TMEM242: variants seen among roughly 807,000 people sequenced by gnomAD.
TMEM242 encodes transmembrane protein 242.
TMEM242 carries 10 observed loss-of-function variants against 18.2 expected under a neutral mutation model. The ratio of observed to expected loss-of-function variants is 0.55; its 90% CI spans 0.34 to 0.93. The LOEUF (loss-of-function observed/expected upper bound fraction) is 0.93. Among genes scored for constraint, TMEM242 ranks in the 40% least tolerant of loss-of-function variants. The pLI, the probability that TMEM242 is intolerant of heterozygous loss-of-function variation, is 0.02. For synonymous variants in TMEM242, 57 were observed against 69.9 expected (o/e 0.81, Z 0.92); for missense variants, 186 against 175.5 (o/e 1.06, Z -0.34).
chr6:157,313,064 TA>T (rs1778238911), intron 3 of TMEM242, among the ~76,000 whole-genome samples: 1 of 143,702 alleles, frequency 7.0e-6, no homozygotes, highest in African/African-American at 2.6e-5. Flanking sequence ...GGCCTCATCA[TA>T]GGGTCCCAGT....
intron 3 of TMEM242, among the ~76,000 whole-genome samples, chr6:157,310,724 AG>A (rs1778009372): frequency 3.7e-4 from 1 of 2,738 alleles, no homozygotes; most frequent in African/African-American, 1.4e-3. Flanking sequence ...GCACTCAGCT[AG>A]CCTCATCATA....
chr6:157,296,610 A>G (rs1247732002), intron 3 of TMEM242, among the ~76,000 whole-genome samples: 2 of 152,168 alleles, frequency 1.3e-5, no homozygotes, highest in African/African-American at 4.8e-5. Context: ...TTGAACCCAG[A>G]AAGTGGAGGT....
chr6:157,309,409 C>G (rs1006619739), intron 3 of TMEM242, among the ~76,000 whole-genome samples: 2 of 151,680 alleles, frequency 1.3e-5, no homozygotes, highest in Non-Finnish European at 2.9e-5. Flanking sequence ...TGTTTTTAAA[C>G]AGGGTCTCTG....
intron 3 of TMEM242, among the ~76,000 whole-genome samples, chr6:157,315,052 T>C (rs1778365089): frequency 1.3e-5 from 2 of 152,254 alleles, no homozygotes; most frequent in African/African-American, 4.8e-5. Context: ...CAGTTATTTA[T>C]TGAGTGCATA....
intron 3 of TMEM242, among the ~76,000 whole-genome samples, chr6:157,296,773 TC>T (rs1466315020): frequency 2.1e-4 from 32 of 152,252 alleles, no homozygotes; most frequent in African/African-American, 7.7e-4. Context: ...TGAGTATTAC[TC>T]CCCAGTGCCG....
At chr6:157,311,386 G>A (rs376577281) in intron 3 of TMEM242, among the ~76,000 whole-genome samples, 2,260 of 16,262 alleles carry the variant, frequency 0.14, 11 homozygotes, top group Non-Finnish European at 0.16. Context: ...TCCAGTGTGC[G>A]CTCACCTAGC....
Position 157,289,244 on chromosome 6 carries a change from C to T in TMEM242, c.*3657G>A, listed in dbSNP as rs1777652542. The stretch of plus-strand genomic sequence containing the variant: ...TTTTCTCCAAAACTGAGTTATCTGC[C>T]ATCACACAAAATTTGCTAACAGCCT... On this transcript the variant is annotated 3_prime_UTR_variant, in exon 4 of 4. Coordinates refer to ENST00000400788, the MANE Select transcript of TMEM242 (RefSeq NM_018452.6). 1 of 152,094 alleles carries T rather than the reference C, an allele frequency of 6.6e-6. No individual in the cohort carries two copies. The highest frequency in any genetic ancestry group is 2.1e-4 in the South Asian group (1 of 4,826). The allele number at this position is 152,094 out of a possible 1,614,324, so 9.4% of individuals were successfully genotyped here.
rs587601464 is a variant in TMEM242 at position 157,322,646 on chromosome 6, A to T, written c.189+59T>A. Reference sequence around the variant, plus strand: ...ATCAATATTTTATTTTTTCTACGCAAAAGCTGCCATATATTGTAAACAATA... The same window carrying T: ...ATCAATATTTTATTTTTTCTACGCATAAGCTGCCATATATTGTAAACAATA... On this transcript the variant is annotated intron_variant, in intron 2 of 3. Transcript: ENST00000400788. 76 of 1,440,614 alleles carry T rather than the reference A, an allele frequency of 5.3e-5. No homozygotes were observed. The African/African-American group carries it at 1.0e-3, about 19-fold the overall frequency. 89.2% of individuals were successfully genotyped at this position (1,440,614 alleles called of 1,614,324 possible).
At chr6:157,295,356 T>A (rs1777737561) in intron 3 of TMEM242, among the ~76,000 whole-genome samples, 1 of 152,258 alleles carries the variant, frequency 6.6e-6, no homozygotes, top group Non-Finnish European at 1.5e-5. Flanking sequence ...TTGCATAGAC[T>A]TTTGTAGTTG....
rs1777894579 is a variant in TMEM242, at chr6:157,305,238, A to G, written c.328-12239T>C. Among the ~76,000 whole-genome samples, 1 of 152,204 alleles carries G rather than the reference A, an allele frequency of 6.6e-6. No individual in the cohort carries two copies. Among genetic ancestry groups the G allele is most frequent in the Non-Finnish European group, 1.5e-5 (1 of 68,038 alleles). ...GAGATGAAGGAGGCAGGCGGTGTTC[A>G]GCGGCAGAGCTGACAAGCAGGACTT... On this transcript the variant is annotated intron_variant, in intron 3 of 3. Transcript: ENST00000400788. This position sits in a 1 kb window ranked among gnomAD's most constrained non-coding sequence, Gnocchi z 4.1.
At position 157,312,439 on chromosome 6, in the gene TMEM242, TCAC is replaced by T. The variant is rs781966863; in HGVS notation, c.327+6340_327+6342del. ...CTCATCATAGTGTCACAGTGTGCAC[TCAC>T]CGAGCCTCATAGTGCCCCAGCGTGC... is the stretch of plus-strand genomic sequence containing the variant. On this transcript the variant is annotated intron_variant, in intron 3 of 3. Transcript: ENST00000400788. Among the ~76,000 whole-genome samples the T allele has an allele frequency of 7.4e-4, 71 of 95,466 alleles. 14 individuals are homozygous for T. Among genetic ancestry groups the T allele is most frequent in the Non-Finnish European group, 1.3e-3 (64 of 48,286 alleles). 62.6% of individuals were successfully genotyped at this position (95,466 alleles called of 152,430 possible). A position where few individuals can be genotyped will look rare whatever the true frequency, so the allele number is the denominator to read the frequency against.
chr6:157,321,975 C>G (rs1383922079), intron 2 of TMEM242, among the ~76,000 whole-genome samples: 3 of 152,180 alleles, frequency 2.0e-5, no homozygotes, highest in Non-Finnish European at 4.4e-5. Context: ...ACACTTTAAA[C>G]ATGGTCTCTT....
At chr6:157,304,462 CAAAAAAAAAAAAA>C (rs782782714) in intron 3 of TMEM242, among the ~76,000 whole-genome samples, 8 of 67,234 alleles carry the variant, frequency 1.2e-4, no homozygotes, top group Non-Finnish European at 2.2e-4. Flanking sequence ...GAGACTCTGT[CAAAAAAAAAAAAA>C]AAAAAAAAAA....
chr6:157,299,649 T>A (rs1554247380), intron 3 of TMEM242: 1 of 1,609,792 alleles, frequency 6.2e-7, no homozygotes, highest in East Asian at 2.2e-5. Flanking sequence ...ATACCGGAAA[T>A]CATTAACTTG....
intron 3 of TMEM242, among the ~76,000 whole-genome samples, chr6:157,312,285 A>C (rs1318281509): frequency 8.1e-6 from 1 of 123,304 alleles, no homozygotes; most frequent in Non-Finnish European, 1.7e-5. Context: ...CCTAGCCTCA[A>C]CATAGTGCCC....
intron 3 of TMEM242, among the ~76,000 whole-genome samples, chr6:157,310,561 T>C: frequency 6.9e-6 from 1 of 145,428 alleles, no homozygotes; most frequent in Non-Finnish European, 1.5e-5. Context: ...CCTAGCCTCA[T>C]CATAGTGCCC....
rs1206809062 is a variant in TMEM242 at position 157,290,312 on chromosome 6, A to AG, written c.*2588dup. The AG allele has an allele frequency of 6.6e-6, 1 of 152,236 alleles. No homozygotes were observed. The highest frequency in any genetic ancestry group is 2.4e-5 in the African/African-American group (1 of 41,450). The allele number at this position is 152,236 out of a possible 1,614,324, so 9.4% of individuals were successfully genotyped here. ...ATCCTTTAAAGCATTTCTAGTGCTC[A>AG]GCCTCCATGAAATGGATTGCTTATA... On this transcript the variant is annotated 3_prime_UTR_variant, in exon 4 of 4. Coordinates refer to ENST00000400788, the MANE Select transcript of TMEM242 (RefSeq NM_018452.6).
chr6:157,314,104 G>A (rs782570179), intron 3 of TMEM242, among the ~76,000 whole-genome samples: 191 of 2,226 alleles, frequency 0.086, no homozygotes, highest in South Asian at 0.14. Flanking sequence ...GCGCTCACCC[G>A]GCCTCATCAT....
At chr6:157,311,419 C>G (rs377275603) in intron 3 of TMEM242, among the ~76,000 whole-genome samples, 6,055 of 23,964 alleles carry the variant, frequency 0.25, 34 homozygotes, top group East Asian at 0.32. Flanking sequence ...TTCCAGTGTG[C>G]ACGCATACGG....
Sources: allele counts gnomAD v4.1 joint callset (sites outside exome capture counted in the v4.1 genomes callset), GRCh38; gene constraint gnomAD v4.1.1; non-coding constraint Gnocchi (gnomAD v3.1); transcripts MANE v1.5; gene names NCBI Gene and HGNC (gene_info 2026-07-23, HGNC 2026-07-21).